CNTN5: variants seen among roughly 807,000 people sequenced by gnomAD.
CNTN5 encodes contactin-5.
Under a neutral mutation model 129.1 loss-of-function variants are expected in CNTN5, and 77 were observed. The observed-to-expected ratio is 0.60, with a 90% CI of 0.50 to 0.72. The LOEUF is 0.72. Ranked by LOEUF, CNTN5 falls within the 30% of genes least tolerant of loss-of-function variation. CNTN5 has a pLI of 0.00. For missense variants in CNTN5, 1,478 were observed against 1,328.8 expected, an observed-to-expected ratio of 1.11 and a Z score of -1.75; for synonymous variants, 509 against 465.6, an observed-to-expected ratio of 1.09 and a Z score of -1.20.
chr11:99,317,186 C>T (rs1185154206), intron 1 of CNTN5, among the ~76,000 whole-genome samples: 1 of 152,004 alleles, frequency 6.6e-6, no homozygotes, highest in Non-Finnish European at 1.5e-5. Flanking sequence ...GTGGTAAATG[C>T]GTGACAAATG....
intron 6 of CNTN5, among the ~76,000 whole-genome samples, chr11:99,900,598 T>C (rs764001187): frequency 2.1e-4 from 32 of 152,124 alleles, no homozygotes; most frequent in Non-Finnish European, 3.7e-4. Context: ...ATCTTTTTTG[T>C]TTTCAATTTA....
chr11:99,260,946 G>T (rs1220858925), intron 1 of CNTN5, among the ~76,000 whole-genome samples: 1 of 151,942 alleles, frequency 6.6e-6, no homozygotes, highest in African/African-American at 2.4e-5. Context: ...ACTCTTAGTT[G>T]AATGGTATTG....
At chr11:99,792,060 C>G (rs1186372640) in intron 3 of CNTN5, among the ~76,000 whole-genome samples, 3 of 152,094 alleles carry the variant, frequency 2.0e-5, no homozygotes, top group Non-Finnish European at 4.4e-5. Flanking sequence ...CTAGTTTTGA[C>G]AACTTTTCCT....
At chr11:99,049,277 T>C (rs2135168093) in intron 1 of CNTN5, among the ~76,000 whole-genome samples, 1 of 152,328 alleles carries the variant, frequency 6.6e-6, no homozygotes, top group East Asian at 1.9e-4. Flanking sequence ...GCAATTGACT[T>C]AACTTCATTT....
intron 3 of CNTN5, among the ~76,000 whole-genome samples, chr11:99,731,626 T>A (rs1203128221): frequency 6.6e-6 from 1 of 152,192 alleles, no homozygotes; most frequent in Non-Finnish European, 1.5e-5. Context: ...TTATTAAAAA[T>A]GGGCATTTCT....
At chr11:100,005,615 A>T (rs1204892967) in intron 9 of CNTN5, among the ~76,000 whole-genome samples, 5 of 152,176 alleles carry the variant, frequency 3.3e-5, no homozygotes, top group South Asian at 2.1e-4. Context: ...GCATATTTTC[A>T]TGTCCAAGTT....
intron 4 of CNTN5, among the ~76,000 whole-genome samples, chr11:99,821,735 C>A (rs77802162): frequency 6.6e-6 from 1 of 151,992 alleles, no homozygotes; most frequent in Admixed American, 6.6e-5. Context: ...TAAAATAAGA[C>A]CCCCCTTCAA....
At chr11:99,858,442 G>C (rs7121449) in intron 6 of CNTN5, among the ~76,000 whole-genome samples, 152,133 of 152,138 alleles carry the variant, frequency 1, 76,064 homozygotes, top group Middle Eastern at 1. Context: ...GTTTATTAAA[G>C]AAAATCTCTA....
At chr11:99,841,294 A>G (rs895567155) in intron 4 of CNTN5, among the ~76,000 whole-genome samples, 2 of 152,126 alleles carry the variant, frequency 1.3e-5, no homozygotes, top group African/African-American at 4.8e-5. Context: ...TTTAGCCTAT[A>G]ATTTACCAAA....
At chr11:100,040,984 C>T (rs1175685956) in intron 9 of CNTN5, among the ~76,000 whole-genome samples, 14 of 152,154 alleles carry the variant, frequency 9.2e-5, no homozygotes, top group Non-Finnish European at 2.1e-4. Context: ...ACCCACTGTC[C>T]TGCACCTACT....
At chr11:99,675,990 T>A (rs1299310603) in intron 3 of CNTN5, among the ~76,000 whole-genome samples, 1 of 152,154 alleles carries the variant, frequency 6.6e-6, no homozygotes, top group South Asian at 2.1e-4. Flanking sequence ...TTCACTACCA[T>A]CATCTCAGAA....
chr11:99,681,820 A>G (rs1306446501), intron 3 of CNTN5, among the ~76,000 whole-genome samples: 2 of 152,062 alleles, frequency 1.3e-5, no homozygotes, highest in Admixed American at 6.6e-5. Flanking sequence ...TGAAACGATT[A>G]ACTCCAAAAC....
chr11:99,138,121 AT>A (rs1361449329), intron 1 of CNTN5, among the ~76,000 whole-genome samples: 4 of 152,206 alleles, frequency 2.6e-5, no homozygotes, highest in Non-Finnish European at 5.9e-5. Context: ...TTTGTATTAT[AT>A]AAACACATTC....
intron 16 of CNTN5, chr11:100,225,270 T>A (rs898879038): frequency 1.3e-5 from 2 of 152,364 alleles, no homozygotes; most frequent in African/African-American, 4.8e-5. Flanking sequence ...AATTGTTAAG[T>A]GACAAGGATT....
intron 2 of CNTN5, among the ~76,000 whole-genome samples, chr11:99,419,827 T>A (rs1415529389): frequency 1.3e-5 from 2 of 152,140 alleles, no homozygotes; most frequent in Non-Finnish European, 2.9e-5. Flanking sequence ...TATTGTTATA[T>A]CCCAATTAAT....
chr11:99,817,904 G>T (rs1159357475), intron 3 of CNTN5, among the ~76,000 whole-genome samples: 3 of 152,106 alleles, frequency 2.0e-5, no homozygotes, highest in African/African-American at 7.2e-5. Context: ...CCAGCAAAGA[G>T]TCAAGGACAT....
intron 2 of CNTN5, among the ~76,000 whole-genome samples, chr11:99,384,221 C>T (rs909427788): frequency 6.6e-6 from 1 of 152,124 alleles, no homozygotes; most frequent in Non-Finnish European, 1.5e-5. Flanking sequence ...TTTGTACGGC[C>T]GTAAAGCTGT....
chr11:99,945,762 A>G (rs188819929), intron 7 of CNTN5, among the ~76,000 whole-genome samples: 3 of 151,958 alleles, frequency 2.0e-5, no homozygotes, highest in Middle Eastern at 3.2e-3. Context: ...ATCTTTTTCT[A>G]TGGTGCCACA....
chr11:100,015,836 T>C (rs748296691), intron 9 of CNTN5, among the ~76,000 whole-genome samples: 1 of 152,150 alleles, frequency 6.6e-6, no homozygotes, highest in Non-Finnish European at 1.5e-5. Flanking sequence ...CTTTAGATTA[T>C]TCAATAGGAA....
Sources: gnomAD v4.1 joint callset for allele counts (sites outside exome capture counted in the v4.1 genomes callset) on GRCh38, gnomAD v4.1.1 for gene constraint, MANE v1.5 for transcripts, NCBI Gene and HGNC (gene_info 2026-07-23, HGNC 2026-07-21) for gene names.